SLC25A42: variants seen among roughly 807,000 people sequenced by gnomAD.
SLC25A42 encodes the protein mitochondrial coenzyme A transporter SLC25A42.
In SLC25A42, 19 loss-of-function variants were observed where a neutral mutation model predicts 34.7. That is an observed-to-expected ratio of 0.55 (90% CI 0.38 to 0.80). The LOEUF (loss-of-function observed/expected upper bound fraction) is 0.80. Ranked by LOEUF, SLC25A42 falls within the 30% of genes least tolerant of loss-of-function variation. The probability of loss-of-function intolerance (pLI) is 0.00; values close to 1 mark genes in which losing one functional copy is unlikely to be tolerated. For synonymous variants in SLC25A42, 205 were observed against 191.2 expected, an observed-to-expected ratio of 1.07 and a Z score of -0.59; for missense variants, 364 against 441.3, an observed-to-expected ratio of 0.82 and a Z score of 1.57.
At position 19,075,562 on chromosome 19, in the gene SLC25A42, G is replaced by A. The variant is rs898826676; in HGVS notation, c.-35+11447G>A. On this transcript the variant is annotated intron_variant, in intron 1 of 7. Transcript: ENST00000318596. ...AGTGAACGTGGCAAGGCTGGGCCTC[G>A]GAGCCACAGGACACTGTCATCTGTG... Among the ~76,000 whole-genome samples, 5 of 152,314 alleles carry A rather than the reference G, an allele frequency of 3.3e-5. No individual in the cohort carries two copies. The East Asian group carries it at 7.7e-4, about 24-fold the overall frequency.
In SLC25A42 at chr19:19,109,122, G is replaced by T. The variant is rs1465770041; in HGVS notation, c.649+1077G>T. 6.6e-6 allele frequency among the ~76,000 whole-genome samples: 1 copy of T among 152,192 alleles called. No individual in the cohort carries two copies. Among genetic ancestry groups the T allele is most frequent in the Non-Finnish European group, 1.5e-5 (1 of 68,032 alleles). On this transcript the variant is annotated intron_variant, in intron 7 of 7. Coordinates refer to ENST00000318596, the MANE Select transcript of SLC25A42 (RefSeq NM_178526.5). The surrounding 1 kb of genome is among the most constrained non-coding windows in gnomAD (Gnocchi z 4.1). ...AGGTATAAAAAATGCTCCAAGTGGA[G>T]TCAGCTCACCCGGGAGTGCAGCTCC...
chr19:19,088,824 T>G (rs1038757053), intron 1 of SLC25A42, among the ~76,000 whole-genome samples: 1 of 148,784 alleles, frequency 6.7e-6, no homozygotes, highest in East Asian at 2.0e-4. Flanking sequence ...CTTTTGTTTT[T>G]TGAGACAGCG....
intron 1 of SLC25A42, among the ~76,000 whole-genome samples, chr19:19,071,599 GCTCACAC>G (rs1451488298): frequency 6.6e-6 from 1 of 152,194 alleles, no homozygotes; most frequent in Non-Finnish European, 1.5e-5. Context: ...TGGTGCGGTG[GCTCACAC>G]CTGTAATCCC....
chr19:19,083,763 G>A (rs1222238260), intron 1 of SLC25A42, among the ~76,000 whole-genome samples: 1 of 152,014 alleles, frequency 6.6e-6, no homozygotes, highest in East Asian at 1.9e-4. Context: ...AAGTGAAAGG[G>A]TACCTCACTC....
intron 1 of SLC25A42, among the ~76,000 whole-genome samples, chr19:19,078,568 C>G (rs978312233): frequency 6.6e-6 from 1 of 152,146 alleles, no homozygotes; most frequent in East Asian, 1.9e-4. Flanking sequence ...AGAGCATGTA[C>G]GCAGCGAGCA....
chr19:19,081,296 GGACCACCACTAT>G lies in SLC25A42; in HGVS notation c.-34-14789_-34-14778del, dbSNP rs2059680849. ...GCACTGGACCCATAAGGAACCACAG[GGACCACCACTAT>G]GACCAGCCTGGCAGGGGGTGATGAT... On this transcript the variant is annotated intron_variant, in intron 1 of 7. Transcript: ENST00000318596. This position sits in a 1 kb window ranked among gnomAD's most constrained non-coding sequence, Gnocchi z 4.5. 6.6e-6 allele frequency among the ~76,000 whole-genome samples: 1 copy of G among 152,030 alleles called. No individual in the cohort carries two copies. The highest frequency in any genetic ancestry group is 2.4e-5 in the African/African-American group (1 of 41,394).
In SLC25A42 at chr19:19,110,724, C is replaced by A. The variant is rs202000540; in HGVS notation, c.805C>A (p.Arg269Ser). The A allele has an allele frequency of 1.2e-6, 2 of 1,607,492 alleles. No individual in the cohort carries two copies. The change falls in exon 8 of 8, where the codon CGC becomes AGC. Residue 269 changes from arginine to serine, a missense_variant. By Grantham distance (110) the Arg-to-Ser change is moderately radical. Coordinates refer to ENST00000318596, the MANE Select transcript of SLC25A42 (RefSeq NM_178526.5). ...VTGYPRASIARTLRTIVREEG... is the reference protein window; with the variant it reads ...VTGYPRASIASTLRTIVREEG... ...GGGCTACCCGCGCGCCTCCATCGCC[C>A]GCACGCTGCGCACCATCGTGCGGGA... is the stretch of plus-strand genomic sequence containing the variant.
intron 1 of SLC25A42, among the ~76,000 whole-genome samples, chr19:19,093,987 T>C (rs781662580): frequency 6.6e-6 from 1 of 152,204 alleles, no homozygotes; most frequent in African/African-American, 2.4e-5. Context: ...GATGTTTTTC[T>C]CACGGTCAGA....
intron 3 of SLC25A42, among the ~76,000 whole-genome samples, chr19:19,103,838 G>A (rs1390436988): frequency 6.6e-6 from 1 of 152,184 alleles, no homozygotes; most frequent in African/African-American, 2.4e-5. Context: ...TTCCTCCTTG[G>A]CTGGCATGGG....
At chr19:19,079,263 C>T (rs1237782134) in intron 1 of SLC25A42, among the ~76,000 whole-genome samples, 1 of 151,968 alleles carries the variant, frequency 6.6e-6, no homozygotes, top group Non-Finnish European at 1.5e-5. Context: ...ACCATGTTGG[C>T]CAGGGTGGTC....
At chr19:19,079,137 C>T (rs911438773) in intron 1 of SLC25A42, among the ~76,000 whole-genome samples, 2 of 151,900 alleles carry the variant, frequency 1.3e-5, no homozygotes. Flanking sequence ...CTCACTGCAA[C>T]CTCCACCTCC....
At chr19:19,066,947 T>G (rs1283645363) in intron 1 of SLC25A42, among the ~76,000 whole-genome samples, 1 of 148,924 alleles carries the variant, frequency 6.7e-6, no homozygotes, top group Admixed American at 6.8e-5. Flanking sequence ...AACCAAGGAG[T>G]TCAAGGCTGC....
intron 3 of SLC25A42, among the ~76,000 whole-genome samples, chr19:19,103,499 T>G (rs1032813098): frequency 2.0e-5 from 3 of 152,164 alleles, no homozygotes; most frequent in African/African-American, 7.2e-5. Flanking sequence ...TGCTTTCAGA[T>G]AAGGTCACCT....
intron 3 of SLC25A42, among the ~76,000 whole-genome samples, chr19:19,103,300 G>A (rs2059808091): frequency 6.6e-6 from 1 of 152,028 alleles, no homozygotes; most frequent in South Asian, 2.1e-4. Context: ...TCGACACGTT[G>A]GCCCCGCTGG....
In SLC25A42 at chr19:19,105,276, G is replaced by A; in HGVS notation, c.214-285G>A. On this transcript the variant is annotated intron_variant, in intron 4 of 7. Transcript: ENST00000318596. ...ACACCAACAGACATGCCCTTGGGCA[G>A]GGCTCCGAGCTGCTTTGCAGCCTGG... The A allele has an allele frequency of 5.2e-6, 3 of 573,686 alleles. No homozygotes were observed. The South Asian group carries it at 7.2e-5, about 14-fold the overall frequency. 35.5% of individuals were successfully genotyped at this position (573,686 alleles called of 1,614,324 possible).
chr19:19,085,384 CT>C (rs11334289), intron 1 of SLC25A42, among the ~76,000 whole-genome samples: 107,646 of 141,798 alleles, frequency 0.76, 41,039 homozygotes, highest in East Asian at 0.88. Context: ...CACATTTTTT[CT>C]TTTTTTTTTT....
intron 7 of SLC25A42, among the ~76,000 whole-genome samples, chr19:19,108,488 G>T (rs373781818): frequency 1.3e-5 from 2 of 152,048 alleles, no homozygotes; most frequent in South Asian, 2.1e-4. Flanking sequence ...GGTCAAGGCC[G>T]CAGTGAGCTG....
chr19:19,097,230 G>A (rs1244805086), intron 2 of SLC25A42, among the ~76,000 whole-genome samples: 1 of 152,170 alleles, frequency 6.6e-6, no homozygotes, highest in Non-Finnish European at 1.5e-5. Context: ...AGTCCATGGG[G>A]TCAAAGGCTG....
intron 1 of SLC25A42, among the ~76,000 whole-genome samples, chr19:19,064,605 G>GTATC (rs2059591542): frequency 6.6e-6 from 1 of 150,644 alleles, no homozygotes; most frequent in African/African-American, 2.5e-5. Context: ...TCATATCCAG[G>GTATC]TATCTGCTCG....
Sources: gnomAD v4.1 joint callset for allele counts (sites outside exome capture counted in the v4.1 genomes callset) on GRCh38, gnomAD v4.1.1 for gene constraint, Gnocchi (gnomAD v3.1) non-coding constraint, MANE v1.5 for transcripts, NCBI Gene and HGNC (gene_info 2026-07-23, HGNC 2026-07-21) for gene names.